TENM2: variants seen among roughly 807,000 people sequenced by gnomAD.
The protein encoded by TENM2 is teneurin-2.
A neutral mutation model predicts 245.2 loss-of-function variants in TENM2; 52 were observed. That is an observed-to-expected ratio of 0.21 (90% confidence interval 0.17 to 0.27). The LOEUF is 0.27. Ranked by LOEUF, TENM2 falls within the 10% of genes least tolerant of loss-of-function variation. TENM2 has a pLI of 1.00. For missense variants in TENM2, 3,046 were observed against 3,666.8 expected, an observed-to-expected ratio of 0.83 and a Z score of 4.37; for synonymous variants, 1,363 against 1,438.9, an observed-to-expected ratio of 0.95 and a Z score of 1.19.
chr5:167,557,984 G>A (rs1773357615), intron 2 of TENM2, among the ~76,000 whole-genome samples: 1 of 152,218 alleles, frequency 6.6e-6, no homozygotes, highest in Non-Finnish European at 1.5e-5. Flanking sequence ...TGGAACTGCT[G>A]TGCAACAGGC....
At chr5:167,484,453 T>C (rs767707579) in intron 2 of TENM2, among the ~76,000 whole-genome samples, 2 of 152,096 alleles carry the variant, frequency 1.3e-5, no homozygotes, top group Non-Finnish European at 2.9e-5. Flanking sequence ...GATGTCCATA[T>C]ATGAATCAAT....
At chr5:168,131,361 G>A (rs1171262602) in intron 12 of TENM2, among the ~76,000 whole-genome samples, 4 of 152,134 alleles carry the variant, frequency 2.6e-5, no homozygotes, top group Admixed American at 2.0e-4. Flanking sequence ...GAATCATAAG[G>A]GCTTGATTCC....
chr5:168,248,463 TAGG>T, intron 27 of TENM2, 92 bp downstream of exon 29: 2 of 1,324,992 alleles, frequency 1.5e-6, no homozygotes, highest in East Asian at 2.4e-5. Flanking sequence ...CATCTTATGG[TAGG>T]AGAAGCCCAT....
At chr5:167,551,628 GCA>G (rs981849011) in intron 2 of TENM2, among the ~76,000 whole-genome samples, 48 of 151,498 alleles carry the variant, frequency 3.2e-4, no homozygotes, top group African/African-American at 1.2e-3. Flanking sequence ...ACACATACAC[GCA>G]CACACACAAA....
intron 2 of TENM2, among the ~76,000 whole-genome samples, chr5:167,663,590 C>T (rs568853333): frequency 2.6e-5 from 4 of 152,070 alleles, no homozygotes; most frequent in Admixed American, 2.6e-4. Flanking sequence ...TTTGCAGTTT[C>T]TAAATCTGAG....
At chr5:167,301,442 G>T (rs1275040621) in intron 1 of TENM2, among the ~76,000 whole-genome samples, 1 of 152,160 alleles carries the variant, frequency 6.6e-6, no homozygotes, top group Non-Finnish European at 1.5e-5. Context: ...TGTGGCTGGG[G>T]TTTGTCTCAC....
At chr5:168,133,698 A>T (rs1754789339) in intron 12 of TENM2, among the ~76,000 whole-genome samples, 1 of 152,190 alleles carries the variant, frequency 6.6e-6, no homozygotes, top group Non-Finnish European at 1.5e-5. Flanking sequence ...TTACCTAGGG[A>T]ATCTTTTGTA....
chr5:167,253,183 C>A, the TENM2 span, among the ~76,000 whole-genome samples: 9 of 151,524 alleles, frequency 5.9e-5, no homozygotes, highest in Admixed American at 6.6e-5. Context: ...CTCCACCTCC[C>A]AGGGTCAAGC....
intron 2 of TENM2, among the ~76,000 whole-genome samples, chr5:167,423,612 T>C: frequency 6.6e-6 from 1 of 152,186 alleles, no homozygotes; most frequent in East Asian, 1.9e-4. Flanking sequence ...TTTTAATAAT[T>C]GTCCTTAAAC....
the TENM2 span, among the ~76,000 whole-genome samples, chr5:167,250,030 T>G: frequency 6.6e-6 from 1 of 152,156 alleles, no homozygotes; most frequent in South Asian, 2.1e-4. Flanking sequence ...AAACATTAAC[T>G]AAAGTGTACA....
intron 2 of TENM2, among the ~76,000 whole-genome samples, chr5:167,781,030 G>A (rs1193952690): frequency 6.6e-6 from 1 of 152,038 alleles, no homozygotes; most frequent in Non-Finnish European, 1.5e-5. Context: ...TATGTTACAG[G>A]CCTGCTGCGG....
chr5:167,499,996 G>A (rs1769087209), intron 2 of TENM2, among the ~76,000 whole-genome samples: 1 of 149,232 alleles, frequency 6.7e-6, no homozygotes, highest in Non-Finnish European at 1.5e-5. Flanking sequence ...GTGTATGTGA[G>A]GGTGTATGTG....
chr5:167,719,804 A>C (rs1759507476), intron 2 of TENM2, among the ~76,000 whole-genome samples: 1 of 152,264 alleles, frequency 6.6e-6, no homozygotes, highest in Non-Finnish European at 1.5e-5. Flanking sequence ...CATCTAGTGG[A>C]TAGAATCCAG....
chr5:168,100,642 C>A (rs990099431), intron 9 of TENM2, among the ~76,000 whole-genome samples: 1 of 152,092 alleles, frequency 6.6e-6, no homozygotes, highest in Non-Finnish European at 1.5e-5. Context: ...GAACAGAAAA[C>A]CAAACACTGC....
At chr5:167,336,733 C>T (rs2127802110) in intron 1 of TENM2, among the ~76,000 whole-genome samples, 1 of 151,726 alleles carries the variant, frequency 6.6e-6, no homozygotes, top group East Asian at 2.0e-4. Flanking sequence ...TTTTTGAGTG[C>T]TGACATAATG....
chr5:168,124,401 T>C (rs1329968686), intron 10 of TENM2, among the ~76,000 whole-genome samples: 1 of 152,214 alleles, frequency 6.6e-6, no homozygotes. Flanking sequence ...TTAGTGAAGT[T>C]ACAATGAGCC....
chr5:167,499,299 A>C (rs1343208236), intron 2 of TENM2, among the ~76,000 whole-genome samples: 3 of 152,156 alleles, frequency 2.0e-5, no homozygotes, highest in Non-Finnish European at 4.4e-5. Flanking sequence ...GGAGAAGTTG[A>C]GCAAAGGGGA....
At chr5:167,732,748 C>G (rs1346269363) in intron 2 of TENM2, among the ~76,000 whole-genome samples, 4 of 152,120 alleles carry the variant, frequency 2.6e-5, no homozygotes, top group Admixed American at 2.6e-4. Flanking sequence ...GTTATTCCAT[C>G]ATTGAATGGG....
intron 25 of TENM2, chr5:168,229,687 G>C (rs535686778): frequency 6.6e-6 from 1 of 152,270 alleles, no homozygotes; most frequent in East Asian, 1.9e-4. Flanking sequence ...TGTGTAACTG[G>C]ATTGAAATCC....
Sources: allele counts gnomAD v4.1 joint callset (sites outside exome capture counted in the v4.1 genomes callset), GRCh38; gene constraint gnomAD v4.1.1; transcripts MANE v1.5; gene names NCBI Gene and HGNC (gene_info 2026-07-23, HGNC 2026-07-21).